FRMD4B: variants seen among roughly 807,000 people sequenced by gnomAD.
FRMD4B encodes the protein FERM domain-containing protein 4B.
Under a neutral mutation model 141.5 loss-of-function variants are expected in FRMD4B, and 74 were observed. The observed-to-expected ratio is 0.52, with a 90% CI of 0.43 to 0.63. The LOEUF (loss-of-function observed/expected upper bound fraction) is 0.63, where lower values mean the gene tolerates loss of function less well. Ranked by LOEUF, FRMD4B falls within the 30% of genes least tolerant of loss-of-function variation. FRMD4B has a pLI of 0.00. For synonymous variants in FRMD4B, 506 were observed against 467.9 expected (o/e 1.08, Z -1.05); for missense variants, 1,366 against 1,253.4 (o/e 1.09, Z -1.36).
intron 20 of FRMD4B, 31 bp from the exon 21 acceptor site, chr3:69,181,741 A>T: frequency 7.2e-7 from 1 of 1,388,004 alleles, no homozygotes; most frequent in Non-Finnish European, 1.0e-6. Flanking sequence ...ACTTCTCAAC[A>T]CCAAGAAGAA....
chr3:69,257,382 C>T (rs1013674784), intron 5 of FRMD4B, among the ~76,000 whole-genome samples: 1 of 152,160 alleles, frequency 6.6e-6, no homozygotes, highest in Admixed American at 6.5e-5. Context: ...GAAGAAGTTT[C>T]TGATTTTTCA....
intron 7 of FRMD4B, among the ~76,000 whole-genome samples, chr3:69,237,861 G>A (rs1333652569): frequency 6.6e-6 from 1 of 152,188 alleles, no homozygotes; most frequent in Non-Finnish European, 1.5e-5. Flanking sequence ...CTCCTAAGTA[G>A]CTGGGATTAC....
chr3:69,428,893 A>G (rs1238062026), intron 2 of FRMD4B, among the ~76,000 whole-genome samples: 1 of 152,094 alleles, frequency 6.6e-6, no homozygotes, highest in Non-Finnish European at 1.5e-5. Context: ...TCTGCTTTCC[A>G]TCTCTATGAA....
intron 2 of FRMD4B, among the ~76,000 whole-genome samples, chr3:69,393,586 T>A (rs1704425517): frequency 6.6e-6 from 1 of 152,326 alleles, no homozygotes; most frequent in South Asian, 2.1e-4. Context: ...ATTTGTCACC[T>A]TTTATTTATA....
intron 1 of FRMD4B, among the ~76,000 whole-genome samples, chr3:69,329,738 A>G (rs2314989): frequency 0.67 from 100,453 of 150,436 alleles, 34,788 homozygotes; most frequent in African/African-American, 0.86. Context: ...CACTATGTTG[A>G]CCAGGCTGGT....
intron 12 of FRMD4B, 105 bp downstream of exon 12, chr3:69,198,593 G>C: frequency 1.5e-6 from 1 of 683,964 alleles, no homozygotes; most frequent in African/African-American, 1.8e-5. Flanking sequence ...ATACACCCAA[G>C]AGAAATGAAA....
intron 1 of FRMD4B, among the ~76,000 whole-genome samples, chr3:69,339,198 T>C (rs989681311): frequency 6.6e-6 from 1 of 152,182 alleles, no homozygotes; most frequent in African/African-American, 2.4e-5. Context: ...ATTTAACTAT[T>C]GGCCTAGAAA....
intron 1 of FRMD4B, among the ~76,000 whole-genome samples, chr3:69,541,583 G>A (rs1032397565): frequency 2.6e-5 from 4 of 152,152 alleles, no homozygotes; most frequent in South Asian, 2.1e-4. Context: ...TATTCCAAAC[G>A]AAATGGCATT....
chr3:69,216,112 C>T (rs2093137895), intron 11 of FRMD4B, 151 bp downstream of exon 11: 2 of 522,060 alleles, frequency 3.8e-6, no homozygotes, highest in South Asian at 2.2e-5. Flanking sequence ...CACTATCAGC[C>T]CACTGCACTC....
upstream of FRMD4B, among the ~76,000 whole-genome samples, chr3:69,387,778 A>T (rs1704295076): frequency 6.6e-6 from 1 of 152,234 alleles, no homozygotes; most frequent in African/African-American, 2.4e-5. Context: ...TGTAATCAGA[A>T]AACTTTTAAA....
chr3:69,312,522 C>G (rs1701634780), intron 2 of FRMD4B, among the ~76,000 whole-genome samples: 2 of 152,282 alleles, frequency 1.3e-5, no homozygotes, highest in South Asian at 4.1e-4. Context: ...TAGGTGTGGC[C>G]CGTCCGCAGG....
chr3:69,196,398 T>A lies in FRMD4B; in HGVS notation c.1093-2A>T. The A allele has an allele frequency of 6.2e-7, 1 of 1,604,654 alleles. No individual in the cohort carries two copies. The highest frequency in any genetic ancestry group is 8.5e-7 in the Non-Finnish European group (1 of 1,175,118). Reference sequence around the variant, plus strand: ...ACTCCTGGCTGAAGGAATTTTTGCCTAAGAGGCATACAACAATGAAACAGA... The same window carrying A: ...ACTCCTGGCTGAAGGAATTTTTGCCAAAGAGGCATACAACAATGAAACAGA... On this transcript the variant is annotated splice_acceptor_variant, in intron 13 of 22. Transcript: ENST00000398540. LOFTEE classifies it high-confidence loss of function.
rs1313178637 is a variant in FRMD4B, at chr3:69,237,259, G to T, written c.581+11967C>A. On this transcript the variant is annotated intron_variant, in intron 7 of 22. Coordinates refer to ENST00000398540, the MANE Select transcript of FRMD4B (RefSeq NM_015123.3). ...GGAAAGGAAACACCCAGCTGGCTGTGCCAGCCCTTGCTCTCCTCCCCTCCT... is the reference window on the plus strand; with the variant it reads ...GGAAAGGAAACACCCAGCTGGCTGTTCCAGCCCTTGCTCTCCTCCCCTCCT... Among the ~76,000 whole-genome samples, 8 of 152,372 alleles carry T rather than the reference G, an allele frequency of 5.3e-5. No individual in the cohort carries two copies. The East Asian group carries it at 1.5e-3, about 29-fold the overall frequency.
At chr3:69,184,865 A>C (rs1419255970) in intron 19 of FRMD4B, among the ~76,000 whole-genome samples, 1 of 152,160 alleles carries the variant, frequency 6.6e-6, no homozygotes, top group African/African-American at 2.4e-5. Flanking sequence ...CCAAATTTTA[A>C]ATTTTATTTA....
upstream of FRMD4B, among the ~76,000 whole-genome samples, chr3:69,387,126 C>G (rs1040445141): frequency 6.6e-6 from 1 of 152,154 alleles, no homozygotes; most frequent in African/African-American, 2.4e-5. Context: ...TCGCCTACCA[C>G]CAGTCTCTGT....
At chr3:69,478,758 C>G (rs1706053079) in intron 1 of FRMD4B, among the ~76,000 whole-genome samples, 2 of 152,004 alleles carry the variant, frequency 1.3e-5, no homozygotes, top group East Asian at 1.9e-4. Context: ...CCTGGGTATC[C>G]TTGTTAACTT....
At chr3:69,499,194 C>T (rs1172452004) in intron 1 of FRMD4B, among the ~76,000 whole-genome samples, 1 of 152,032 alleles carries the variant, frequency 6.6e-6, no homozygotes, top group Non-Finnish European at 1.5e-5. Flanking sequence ...TGCCCTGAAC[C>T]CAGGAGAAAA....
intron 11 of FRMD4B, among the ~76,000 whole-genome samples, chr3:69,209,086 G>T (rs2093051822): frequency 6.6e-6 from 1 of 151,596 alleles, no homozygotes; most frequent in African/African-American, 2.4e-5. Flanking sequence ...GGAGGTTGCA[G>T]TGAGCCAAGA....
intron 21 of FRMD4B, among the ~76,000 whole-genome samples, chr3:69,177,292 T>C (rs1461670056): frequency 6.6e-6 from 1 of 152,130 alleles, no homozygotes; most frequent in Non-Finnish European, 1.5e-5. Flanking sequence ...TGAACCAACA[T>C]CACACCACTG....
Sources: allele counts gnomAD v4.1 joint callset (sites outside exome capture counted in the v4.1 genomes callset), GRCh38; gene constraint gnomAD v4.1.1; transcripts MANE v1.5; gene names NCBI Gene and HGNC (gene_info 2026-07-23, HGNC 2026-07-21).